Variants in PGM5 observed in about 807,000 individuals in gnomAD.
The protein encoded by PGM5 is phosphoglucomutase 5.
PGM5 carries 23 observed loss-of-function variants against 59.2 expected under a neutral mutation model. The ratio of observed to expected loss-of-function variants is 0.39; its 90% confidence interval spans 0.28 to 0.55. The LOEUF (loss-of-function observed/expected upper bound fraction) is 0.55. Ranked by LOEUF, PGM5 falls within the 20% of genes least tolerant of loss-of-function variation. The pLI, the probability that PGM5 is intolerant of heterozygous loss-of-function variation, is 0.66. For missense variants in PGM5, 574 were observed against 748.3 expected, an observed-to-expected ratio of 0.77 and a Z score of 2.72; for synonymous variants, 214 against 286.0, an observed-to-expected ratio of 0.75 and a Z score of 2.54.
chr9:68,422,857 C>CT (rs1823157697), intron 6 of PGM5, among the ~76,000 whole-genome samples: 2 of 152,134 alleles, frequency 1.3e-5, no homozygotes, highest in South Asian at 4.1e-4. Flanking sequence ...TATTTGTAGT[C>CT]TTCTGTCTCT....
intron 6 of PGM5, among the ~76,000 whole-genome samples, chr9:68,436,030 T>C (rs1193426193): frequency 6.6e-6 from 1 of 151,932 alleles, no homozygotes; most frequent in Non-Finnish European, 1.5e-5. Context: ...CCTGAAGGAG[T>C]TACTGTGCCA....
Position 68,376,839 on chromosome 9 carries a change from C to CTTTCTTTCT in PGM5, c.262-1357_262-1349dup, listed in dbSNP as rs1386120176. ...TTTCTTTCTTTCTTTCTTTCTCTTT[C>CTTTCTTTCT]TTTCTTTCTTTCTCTTTCTTTCTTT... On this transcript the variant is annotated intron_variant, in intron 1 of 10. Transcript: ENST00000396396. 1.0e-3 allele frequency among the ~76,000 whole-genome samples: 138 copies of CTTTCTTTCT among 131,922 alleles called. 4 individuals carry two copies. Among genetic ancestry groups the CTTTCTTTCT allele is most frequent in the Non-Finnish European group, 1.8e-3 (109 of 61,528 alleles). 86.5% of individuals were successfully genotyped at this position (131,922 alleles called of 152,430 possible).
At chr9:68,401,649 CTGT>C (rs1822669643) in intron 6 of PGM5, among the ~76,000 whole-genome samples, 1 of 151,784 alleles carries the variant, frequency 6.6e-6, no homozygotes, top group African/African-American at 2.4e-5. Flanking sequence ...ATGTGGCGTG[CTGT>C]TGTTCTCCAA....
intron 6 of PGM5, among the ~76,000 whole-genome samples, chr9:68,403,034 T>G: frequency 6.6e-6 from 1 of 152,086 alleles, no homozygotes; most frequent in Non-Finnish European, 1.5e-5. Flanking sequence ...TGCCTGAAAG[T>G]TTTGTGTGCT....
intron 7 of PGM5, among the ~76,000 whole-genome samples, chr9:68,470,168 T>G (rs1228578314): frequency 6.6e-6 from 1 of 152,226 alleles, no homozygotes; most frequent in Non-Finnish European, 1.5e-5. Flanking sequence ...TTAAATTATT[T>G]ATAATTTATT....
chr9:68,377,413 G>C (rs1554677886), intron 1 of PGM5, among the ~76,000 whole-genome samples: 1 of 152,126 alleles, frequency 6.6e-6, no homozygotes, highest in Non-Finnish European at 1.5e-5. Context: ...TTGAGTACTA[G>C]GGTTTTAAAA....
chr9:68,472,997 G>T (rs1824046092), intron 7 of PGM5, among the ~76,000 whole-genome samples: 1 of 152,046 alleles, frequency 6.6e-6, no homozygotes, highest in Non-Finnish European at 1.5e-5. Context: ...TTTAAGCATA[G>T]AAAGGTGACT....
intron 6 of PGM5, among the ~76,000 whole-genome samples, chr9:68,413,886 A>G (rs1412622754): frequency 1.3e-5 from 2 of 152,178 alleles, no homozygotes; most frequent in African/African-American, 2.4e-5. Context: ...TGCAAAGGCT[A>G]TATGCTATGG....
intron 8 of PGM5, among the ~76,000 whole-genome samples, chr9:68,483,154 G>A (rs1824226065): frequency 1.3e-5 from 2 of 152,090 alleles, no homozygotes; most frequent in South Asian, 4.2e-4. Flanking sequence ...ACTAGAAATA[G>A]CAGAGAGCAA....
At chr9:68,468,187 T>C (rs1392777585) in intron 7 of PGM5, among the ~76,000 whole-genome samples, 1 of 149,658 alleles carries the variant, frequency 6.7e-6, no homozygotes, top group Non-Finnish European at 1.5e-5. Flanking sequence ...CCTCCCACCC[T>C]ACTCCTCAAG....
At chr9:68,375,868 C>A (rs1425385956) in intron 1 of PGM5, among the ~76,000 whole-genome samples, 1 of 152,122 alleles carries the variant, frequency 6.6e-6, no homozygotes, top group African/African-American at 2.4e-5. Flanking sequence ...CAGTAGAGGG[C>A]AGGTATGTTA....
intron 6 of PGM5, among the ~76,000 whole-genome samples, chr9:68,443,041 C>G (rs1357532033): frequency 1.3e-5 from 2 of 152,222 alleles, no homozygotes; most frequent in African/African-American, 4.8e-5. Flanking sequence ...TGTACTCCCA[C>G]TCTTATTCTA....
chr9:68,399,635 C>CAT (rs1383175005), intron 6 of PGM5, among the ~76,000 whole-genome samples: 1 of 150,098 alleles, frequency 6.7e-6, no homozygotes, highest in African/African-American at 2.5e-5. Flanking sequence ...GTCCTTTGAC[C>CAT]ATTTTTTTTT....
At chr9:68,406,339 T>C (rs1436590128) in intron 6 of PGM5, 4 of 151,240 alleles carry the variant, frequency 2.6e-5, no homozygotes, top group African/African-American at 9.7e-5. Context: ...TCCAGGGGCA[T>C]AACAGGTGAG....
intron 1 of PGM5, among the ~76,000 whole-genome samples, chr9:68,368,507 C>G (rs1421109176): frequency 6.6e-6 from 1 of 152,048 alleles, no homozygotes; most frequent in African/African-American, 2.4e-5. Flanking sequence ...CCTGTCACTA[C>G]CATGGACTTC....
At position 68,510,842 on chromosome 9, in the gene PGM5, C is replaced by T. The variant is rs561514337; in HGVS notation, c.1614+11481C>T. On this transcript the variant is annotated intron_variant, in intron 10 of 10. Transcript: ENST00000396396. ...ATTGGCCTGGCCCAGAAAAACAGGA[C>T]ATGTCAAAGAAGGGGAGGCTTCCAG... is the stretch of plus-strand genomic sequence containing the variant. 3.9e-5 allele frequency among the ~76,000 whole-genome samples: 6 copies of T among 152,288 alleles called. No individual in the cohort carries two copies. In the South Asian group the frequency reaches 8.3e-4, roughly 21 times the overall value.
At chr9:68,448,946 T>C (rs1478052716) in intron 6 of PGM5, among the ~76,000 whole-genome samples, 4 of 152,218 alleles carry the variant, frequency 2.6e-5, no homozygotes, top group African/African-American at 9.6e-5. Flanking sequence ...TATAGTAAAT[T>C]ACCATAGACT....
chr9:68,503,553 G>A (rs1251351996), intron 10 of PGM5, among the ~76,000 whole-genome samples: 3 of 152,174 alleles, frequency 2.0e-5, no homozygotes, highest in South Asian at 2.1e-4. Flanking sequence ...TTTTGTGAGC[G>A]AAAGATAATA....
chr9:68,381,824 A>T lies in PGM5; in HGVS notation c.425-2574A>T, dbSNP rs1238185284. Among the ~76,000 whole-genome samples, 13 of 151,840 alleles carry T rather than the reference A, an allele frequency of 8.6e-5. No homozygotes were observed. The East Asian group carries it at 2.5e-3, about 29-fold the overall frequency. On this transcript the variant is annotated intron_variant, in intron 2 of 10. Coordinates refer to ENST00000396396, the MANE Select transcript of PGM5 (RefSeq NM_021965.4). Reference sequence around the variant, plus strand: ...TGATAGCATCAAAAAAATACTTAGGAATAAATTTAACCAAGGGGTGAAAGT... The same window carrying T: ...TGATAGCATCAAAAAAATACTTAGGTATAAATTTAACCAAGGGGTGAAAGT...
Sources: allele counts gnomAD v4.1 joint callset (sites outside exome capture counted in the v4.1 genomes callset), GRCh38; gene constraint gnomAD v4.1.1; transcripts MANE v1.5; gene names NCBI Gene and HGNC (gene_info 2026-07-23, HGNC 2026-07-21).